The following PES1 variants were observed in gnomAD, a reference collection of about 807,000 sequenced individuals.
PES1 encodes the protein pescadillo ribosomal biogenesis factor 1, also known as pescadillo homolog.
Under a neutral mutation model 77.1 loss-of-function variants are expected in PES1, and 31 were observed. That is an observed-to-expected ratio of 0.40 (90% confidence interval 0.30 to 0.54). The LOEUF (loss-of-function observed/expected upper bound fraction) is 0.54. Ranked by LOEUF, PES1 falls within the 20% of genes least tolerant of loss-of-function variation. The pLI is 0.45. For missense variants in PES1, 658 were observed against 771.7 expected (o/e 0.85, Z 1.75); for synonymous variants, 282 against 303.0 (o/e 0.93, Z 0.72).
chr22:30,595,272 G>C (rs1310124738), upstream of PES1, among the ~76,000 whole-genome samples: 1 of 152,054 alleles, frequency 6.6e-6, no homozygotes, highest in East Asian at 1.9e-4. Context: ...GGGCGCGACA[G>C]CTCATGCCTA....
In PES1 at chr22:30,588,038, T is replaced by C; in HGVS notation, c.241A>G (p.Lys81Glu). Residue 81 changes from lysine to glutamate, a missense_variant, in exon 3 of 15, where the codon AAG becomes GAG. By Grantham distance (56) the Lys-to-Glu change is moderately conservative. Transcript: ENST00000354694. ...RFLLHEPIVN[K>E]FREYKVFVRK... Reference sequence around the variant, plus strand: ...GACCTCACCTTGTATTCACGGAACTTGTTGACAATGGGTTCGTGGAGGAGA... The same window carrying C: ...GACCTCACCTTGTATTCACGGAACTCGTTGACAATGGGTTCGTGGAGGAGA... The C allele has an allele frequency of 6.2e-7, 1 of 1,613,964 alleles. No homozygotes were observed. Among genetic ancestry groups the C allele is most frequent in the Non-Finnish European group, 8.5e-7 (1 of 1,180,040 alleles).
chr22:30,587,145 G>C, intron 4 of PES1, 141 bp downstream of exon 4: 1 of 654,346 alleles, frequency 1.5e-6, no homozygotes. Flanking sequence ...TTGCTAGCTT[G>C]GTTTTTGGTC....
intron 2 of PES1, among the ~76,000 whole-genome samples, chr22:30,598,912 T>TTTTTTTAA (rs761643665): frequency 8.6e-6 from 1 of 116,414 alleles, no homozygotes; most frequent in African/African-American, 3.4e-5. Flanking sequence ...TTTTTTTTTT[T>TTTTTTTAA]TTGAGATGGA....
At chr22:30,602,826 C>T (rs961401765) in intron 2 of PES1, among the ~76,000 whole-genome samples, 3 of 152,306 alleles carry the variant, frequency 2.0e-5, no homozygotes, top group African/African-American at 7.2e-5. Flanking sequence ...TGCATATAGA[C>T]ATCCAATTGT....
intron 6 of PES1, among the ~76,000 whole-genome samples, chr22:30,582,590 C>T (rs1319710610): frequency 6.6e-6 from 1 of 152,164 alleles, no homozygotes; most frequent in Non-Finnish European, 1.5e-5. Flanking sequence ...GCCCATTTGG[C>T]CCCCAGGACG....
intron 14 of PES1, among the ~76,000 whole-genome samples, chr22:30,577,659 T>C (rs1209510157): frequency 4.0e-5 from 6 of 151,770 alleles, no homozygotes; most frequent in Non-Finnish European, 5.9e-5. Flanking sequence ...CGTAGCCCTT[T>C]CTTTTTTTTT....
intron 10 of PES1, 141 bp from the exon 11 acceptor site, chr22:30,580,319 C>T (rs1261695121): frequency 5.2e-6 from 6 of 1,157,778 alleles, no homozygotes; most frequent in African/African-American, 1.6e-5. Context: ...CCCCAGGATC[C>T]TTCAATCCTG....
rs934326498 is a variant in PES1, at chr22:30,584,442, T to C, written c.553A>G (p.Ile185Val). ...ARALRKVFLS[I>V]KGIYYQAEVL... ...TCGGCCTGGTAGTAAATGCCTTTGA[T>C]GGACAGGAAGACCTAGGGGAGAGGA... Residue 185 changes from isoleucine (I) to valine (V), a missense_variant, in exon 6 of 15, where the codon ATC (isoleucine) becomes GTC (valine). Ile to Val is a conservative substitution (Grantham distance 29). Transcript: ENST00000354694. 6 of 1,612,140 alleles carry C rather than the reference T, an allele frequency of 3.7e-6. No individual in the cohort carries two copies. The highest frequency in any genetic ancestry group is 5.1e-6 in the Non-Finnish European group (6 of 1,179,092).
chr22:30,582,438 G>A (rs1236229721), intron 6 of PES1, among the ~76,000 whole-genome samples: 1 of 152,202 alleles, frequency 6.6e-6, no homozygotes, highest in South Asian at 2.1e-4. Context: ...GCACAGAGCT[G>A]TCATCCCAGC....
At chr22:30,585,135 G>T (rs2087059093) in intron 4 of PES1, 2 of 406,904 alleles carry the variant, frequency 4.9e-6, no homozygotes, top group Admixed American at 5.8e-5. Context: ...GTGGAGCAGG[G>T]AGCGGGGTGG....
chr22:30,602,308 C>T lies in PES1; in HGVS notation c.-661+3153G>A, dbSNP rs142315240. 4.7e-3 allele frequency among the ~76,000 whole-genome samples: 717 copies of T among 152,288 alleles called. 6 individuals are homozygous for T. Among genetic ancestry groups the T allele is most frequent in the South Asian group, 0.025 (121 of 4,820 alleles). ...CACCTTGTGAAGAAGGTGCTTGCTT[C>T]CCCTTTGCTTTCTGCCACGATTGCA... On this transcript the variant is annotated intron_variant, in intron 2 of 16. Transcript: ENST00000402281.
intron 1 of PES1, chr22:30,606,739 C>G (rs2087453971): frequency 4.7e-6 from 3 of 637,352 alleles, no homozygotes; most frequent in African/African-American, 4.0e-5. Flanking sequence ...CCCCCACCCC[C>G]ACAATCCCCT....
chr22:30,587,957 C>T, intron 3 of PES1, 64 bp downstream of exon 3: 5 of 1,544,220 alleles, frequency 3.2e-6, no homozygotes, highest in Admixed American at 1.7e-5. Context: ...CCCAAGGTCA[C>T]AGTTAGTTAG....
intron 2 of PES1, chr22:30,603,761 T>TA (rs1257174358): frequency 2.0e-5 from 3 of 152,252 alleles, no homozygotes; most frequent in African/African-American, 7.2e-5. Flanking sequence ...GTGTATTTGT[T>TA]ATATTCATTC....
In PES1 at chr22:30,578,728, C is replaced by A. The variant is rs952068470; in HGVS notation, c.1683+109G>T. 28 of 1,289,900 alleles carry A rather than the reference C, an allele frequency of 2.2e-5. No individual in the cohort carries two copies. The Admixed American group carries it at 2.6e-4, about 12-fold the overall frequency. 79.9% of individuals were successfully genotyped at this position (1,289,900 alleles called of 1,614,324 possible). On this transcript the variant is annotated intron_variant, in intron 14 of 14. Coordinates refer to ENST00000354694, the MANE Select transcript of PES1 (RefSeq NM_014303.4). ...CCAGGCAGGCAACCTCAGGAAAAGGCTAGGAGAGCCTCAGTCTGCCTAGAG... is the reference window on the plus strand; with the variant it reads ...CCAGGCAGGCAACCTCAGGAAAAGGATAGGAGAGCCTCAGTCTGCCTAGAG...
intron 14 of PES1, 97 bp from the exon 15 acceptor site, chr22:30,577,226 A>G: frequency 9.6e-7 from 1 of 1,039,708 alleles, no homozygotes; most frequent in Non-Finnish European, 1.5e-6. Flanking sequence ...GCAGAGCTTC[A>G]AGAAAAGGTC....
chr22:30,601,813 C>T (rs763206540), intron 2 of PES1: 3 of 150,768 alleles, frequency 2.0e-5, no homozygotes, highest in African/African-American at 4.9e-5. Context: ...CGCTCTGTTT[C>T]CCAGGCTGGA....
At chr22:30,579,583 C>G (rs2086950690) in intron 12 of PES1, 168 bp downstream of exon 12, 1 of 709,908 alleles carries the variant, frequency 1.4e-6, no homozygotes, top group African/African-American at 1.8e-5. Context: ...CAAATAACAC[C>G]TGACCCCAGG....
At chr22:30,595,840 A>AT (rs1027829864), upstream of PES1, among the ~76,000 whole-genome samples, 22 of 152,146 alleles carry the variant, frequency 1.4e-4, 4 homozygotes, top group Admixed American at 1.3e-3. Context: ...AACTCAGCTG[A>AT]TTCGTAGATT....
Sources: gnomAD v4.1 joint callset for allele counts (sites outside exome capture counted in the v4.1 genomes callset) on GRCh38, gnomAD v4.1.1 for gene constraint, MANE v1.5 for transcripts, NCBI Gene and HGNC (gene_info 2026-07-23, HGNC 2026-07-21) for gene names.